The following RAB8B variants were observed in gnomAD, a reference collection of about 807,000 sequenced individuals.
The protein encoded by RAB8B is RAB8B, member RAS oncogene family, also known as ras-related protein Rab-8B.
A neutral mutation model predicts 32.0 loss-of-function variants in RAB8B; 11 were observed. That is an observed-to-expected ratio of 0.34 (90% confidence interval 0.22 to 0.57). RAB8B has a LOEUF of 0.57. Among genes scored for constraint, RAB8B ranks in the 20% least tolerant of loss-of-function variants. RAB8B has a pLI of 0.86. For missense variants in RAB8B, 190 were observed against 258.5 expected (o/e 0.73, Z 1.82); for synonymous variants, 103 against 89.6 (o/e 1.15, Z -0.85).
chr15:63,208,141 C>T (rs578135026), intron 1 of RAB8B, among the ~76,000 whole-genome samples: 3 of 152,290 alleles, frequency 2.0e-5, no homozygotes, highest in Admixed American at 6.5e-5. Context: ...AATACATCAT[C>T]GTTGGCCTAT....
chr15:63,223,014 C>G (rs1308695628), intron 1 of RAB8B: 2 of 455,886 alleles, frequency 4.4e-6, no homozygotes, highest in Non-Finnish European at 8.8e-6. Context: ...TTCACATTCA[C>G]TCATCACTCT....
chr15:63,254,792 G>A (rs1342337982), intron 3 of RAB8B, among the ~76,000 whole-genome samples: 1 of 152,044 alleles, frequency 6.6e-6, no homozygotes, highest in Non-Finnish European at 1.5e-5. Flanking sequence ...GGCGCCTGTA[G>A]TCCCAGCTAC....
intron 3 of RAB8B, among the ~76,000 whole-genome samples, chr15:63,254,752 A>C (rs1348270868): frequency 6.6e-6 from 1 of 152,088 alleles, no homozygotes; most frequent in African/African-American, 2.4e-5. Context: ...CTGTACTAAA[A>C]ATACAAAAAA....
At chr15:63,246,804 G>A (rs534435640) in intron 2 of RAB8B, among the ~76,000 whole-genome samples, 22 of 152,158 alleles carry the variant, frequency 1.4e-4, no homozygotes, top group African/African-American at 5.1e-4. Context: ...CACTTGGTTG[G>A]TTCTCCTGGC....
intron 6 of RAB8B, among the ~76,000 whole-genome samples, chr15:63,260,068 C>T (rs1396969926): frequency 1.3e-5 from 2 of 152,140 alleles, no homozygotes; most frequent in South Asian, 4.1e-4. Context: ...CTCTTGACCT[C>T]GTGATCCCCT....
intron 1 of RAB8B, among the ~76,000 whole-genome samples, chr15:63,191,450 T>A (rs2037555376): frequency 6.6e-6 from 1 of 152,212 alleles, no homozygotes; most frequent in African/African-American, 2.4e-5. Flanking sequence ...GAATTGCAAG[T>A]TCTTGGCAGT....
chr15:63,213,013 T>C lies in RAB8B; in HGVS notation c.124+23265T>C, dbSNP rs547127176. ...AAGGCTTTGGCAGAGGCCTAAAGCA[T>C]GTTTTAGTGTCTAAGTCTTCCCTCC... On this transcript the variant is annotated intron_variant, in intron 1 of 7. Transcript: ENST00000321437. Among the ~76,000 whole-genome samples, 10 of 152,336 alleles carry C rather than the reference T, an allele frequency of 6.6e-5. No individual in the cohort carries two copies. The South Asian group carries it at 2.1e-3, about 32-fold the overall frequency.
chr15:63,211,012 A>G (rs1475230690), intron 1 of RAB8B, among the ~76,000 whole-genome samples: 1 of 152,238 alleles, frequency 6.6e-6, no homozygotes. Flanking sequence ...TTTTGCCAAA[A>G]GATACCACTA....
intron 1 of RAB8B, among the ~76,000 whole-genome samples, chr15:63,217,541 A>C (rs2037803813): frequency 6.6e-6 from 1 of 152,226 alleles, no homozygotes; most frequent in Admixed American, 6.5e-5. Flanking sequence ...GGCCATTTGA[A>C]ACCAAATGAA....
At chr15:63,207,069 C>T (rs1353218886) in intron 1 of RAB8B, among the ~76,000 whole-genome samples, 1 of 152,194 alleles carries the variant, frequency 6.6e-6, no homozygotes, top group Non-Finnish European at 1.5e-5. Context: ...ATGGTAGTCT[C>T]ATTTTGCCTT....
At chr15:63,233,055 C>CT (rs752891283) in intron 1 of RAB8B, among the ~76,000 whole-genome samples, 18 of 141,542 alleles carry the variant, frequency 1.3e-4, no homozygotes, top group Admixed American at 2.1e-4. Context: ...AAGTAGCATT[C>CT]TTTTTTTTTT....
intron 1 of RAB8B, among the ~76,000 whole-genome samples, chr15:63,201,638 C>A (rs1022552628): frequency 6.6e-6 from 1 of 152,134 alleles, no homozygotes; most frequent in African/African-American, 2.4e-5. Context: ...CATCATTTGC[C>A]CATTCCCTTC....
chr15:63,256,145 T>G (rs1002604141), intron 4 of RAB8B, among the ~76,000 whole-genome samples: 4 of 152,252 alleles, frequency 2.6e-5, no homozygotes, highest in African/African-American at 9.6e-5. Context: ...TAGATGAATT[T>G]CTTTTTAAAA....
At chr15:63,210,574 C>G (rs1415213829) in intron 1 of RAB8B, among the ~76,000 whole-genome samples, 1 of 152,204 alleles carries the variant, frequency 6.6e-6, no homozygotes, top group Non-Finnish European at 1.5e-5. Flanking sequence ...CCTCCAGCTT[C>G]CCAACCTTCT....
intron 1 of RAB8B, among the ~76,000 whole-genome samples, chr15:63,209,807 T>G (rs1306044842): frequency 6.6e-6 from 1 of 152,052 alleles, no homozygotes; most frequent in African/African-American, 2.4e-5. Context: ...ATGTGCAGGT[T>G]TGTTACACAG....
chr15:63,254,024 C>T (rs188018297), intron 3 of RAB8B, among the ~76,000 whole-genome samples: 1 of 152,322 alleles, frequency 6.6e-6, no homozygotes, highest in African/African-American at 2.4e-5. Flanking sequence ...TTGAGTACCC[C>T]AGCCTAGCCC....
chr15:63,232,219 A>G (rs970530410), intron 1 of RAB8B, among the ~76,000 whole-genome samples: 2 of 152,192 alleles, frequency 1.3e-5, no homozygotes, highest in African/African-American at 2.4e-5. Flanking sequence ...AGTAGTTATC[A>G]TTTGATATAT....
intron 1 of RAB8B, among the ~76,000 whole-genome samples, chr15:63,211,949 A>C (rs1299481299): frequency 2.0e-5 from 3 of 152,032 alleles, no homozygotes; most frequent in African/African-American, 7.3e-5. Context: ...CTCCCACCTC[A>C]GCTTCCCAAG....
intron 1 of RAB8B, among the ~76,000 whole-genome samples, chr15:63,226,756 A>G (rs1354547703): frequency 6.6e-6 from 1 of 152,228 alleles, no homozygotes; most frequent in East Asian, 1.9e-4. Flanking sequence ...CTCATGTAAG[A>G]AAGAATTCAG....
Sources: allele counts gnomAD v4.1 joint callset (sites outside exome capture counted in the v4.1 genomes callset), GRCh38; gene constraint gnomAD v4.1.1; transcripts MANE v1.5; gene names NCBI Gene and HGNC (gene_info 2026-07-23, HGNC 2026-07-21).